The following ESRRB variants were observed in gnomAD, a reference collection of about 807,000 sequenced individuals.
The protein encoded by ESRRB is estrogen related receptor beta.
A neutral mutation model predicts 46.0 loss-of-function variants in ESRRB; 16 were observed. That is an observed-to-expected ratio of 0.35 (90% confidence interval 0.24 to 0.53). The LOEUF is 0.53. Ranked by LOEUF, ESRRB falls within the 20% of genes least tolerant of loss-of-function variation. The pLI is 0.93. For synonymous variants in ESRRB, 246 were observed against 259.6 expected (o/e 0.95, Z 0.50); for missense variants, 488 against 607.4 (o/e 0.80, Z 2.07).
At chr14:76,354,232 C>CA (rs1555390246) in intron 1 of ESRRB, among the ~76,000 whole-genome samples, 2 of 103,912 alleles carry the variant, frequency 1.9e-5, no homozygotes, top group Admixed American at 1.7e-4. Flanking sequence ...CCGCCCCCCC[C>CA]CCCACCCACA....
chr14:76,379,962 G>A (rs1884943055), intron 1 of ESRRB, among the ~76,000 whole-genome samples: 1 of 151,892 alleles, frequency 6.6e-6, no homozygotes, highest in Non-Finnish European at 1.5e-5. Flanking sequence ...ATTTAGTCTG[G>A]GAGAGGAGGG....
intron 1 of ESRRB, among the ~76,000 whole-genome samples, chr14:76,316,503 C>T (rs1180521143): frequency 6.6e-6 from 1 of 152,098 alleles, no homozygotes; most frequent in Non-Finnish European, 1.5e-5. Context: ...CTTTGAAATT[C>T]CCCAGTGCCT....
rs557833879 is a variant in ESRRB at position 76,438,526 on chromosome 14, T to C, written c.51-815T>C. On this transcript the variant is annotated intron_variant, in intron 1 of 6. Coordinates refer to ENST00000644823, the MANE Select transcript of ESRRB (RefSeq NM_001379180.1). ...TAAAAATACAAAAATTAGCTGTGCATGACGGCGGGTGCCTGTAATCCCAGC... is the reference window on the plus strand; with the variant it reads ...TAAAAATACAAAAATTAGCTGTGCACGACGGCGGGTGCCTGTAATCCCAGC... Among the ~76,000 whole-genome samples, 6 of 152,252 alleles carry C rather than the reference T, an allele frequency of 3.9e-5. No homozygotes were observed. The East Asian group carries it at 1.2e-3, about 30-fold the overall frequency.
rs541201615 is a variant in ESRRB at position 76,378,244 on chromosome 14, A to T, written c.50+1793A>T. Among the ~76,000 whole-genome samples the T allele has an allele frequency of 3.3e-5, 5 of 152,356 alleles. No homozygotes were observed. In the South Asian group the frequency reaches 1.0e-3, roughly 32 times the overall value. On this transcript the variant is annotated intron_variant, in intron 1 of 6. Transcript: ENST00000644823. ...TCAATAAATATGAAAATTCGTATGA[A>T]GGAAGTACATTCTTTGATTATGCTT...
chr14:76,311,974 GAAAAAAA>G (rs11384140), intron 1 of ESRRB, among the ~76,000 whole-genome samples: 1 of 81,628 alleles, frequency 1.2e-5, no homozygotes, highest in Non-Finnish European at 2.5e-5. Context: ...CCTACATTTT[GAAAAAAA>G]AAAAAAAAAA....
chr14:76,362,435 T>C (rs1226112796), intron 1 of ESRRB, among the ~76,000 whole-genome samples: 1 of 152,236 alleles, frequency 6.6e-6, no homozygotes, highest in Non-Finnish European at 1.5e-5. Context: ...GTTTGAGTTC[T>C]ACCAAGCCAC....
chr14:76,321,131 T>C (rs375503321), intron 1 of ESRRB, among the ~76,000 whole-genome samples: 84 of 152,342 alleles, frequency 5.5e-4, no homozygotes, highest in African/African-American at 1.9e-3. Context: ...TTCTTACATA[T>C]TCTCCCGTAA....
chr14:76,459,363 A>G (rs922761092), intron 2 of ESRRB, among the ~76,000 whole-genome samples: 4 of 152,172 alleles, frequency 2.6e-5, no homozygotes, highest in African/African-American at 9.7e-5. Flanking sequence ...CACAGGGGAC[A>G]TTAATGGGTT....
intron 5 of ESRRB, among the ~76,000 whole-genome samples, chr14:76,487,004 G>A (rs550378699): frequency 6.6e-6 from 1 of 152,292 alleles, no homozygotes; most frequent in South Asian, 2.1e-4. Context: ...TATCAGATGG[G>A]ACAGATGGGT....
chr14:76,384,509 G>A (rs781009552), intron 1 of ESRRB, among the ~76,000 whole-genome samples: 11 of 152,138 alleles, frequency 7.2e-5, no homozygotes, highest in African/African-American at 1.9e-4. Flanking sequence ...CTCTGAATAC[G>A]AACAGGCAGG....
At chr14:76,476,417 A>T (rs1889587327) in intron 3 of ESRRB, among the ~76,000 whole-genome samples, 1 of 152,238 alleles carries the variant, frequency 6.6e-6, no homozygotes, top group Non-Finnish European at 1.5e-5. Flanking sequence ...ATTGTAAGTT[A>T]ATTAGTATTT....
chr14:76,352,493 C>G (rs559978299), intron 1 of ESRRB, among the ~76,000 whole-genome samples: 6 of 152,278 alleles, frequency 3.9e-5, no homozygotes, highest in Admixed American at 3.9e-4. Context: ...CTCAAGCGGA[C>G]CTGGGAGACT....
At chr14:76,432,940 G>C (rs764735075) in intron 1 of ESRRB, among the ~76,000 whole-genome samples, 6 of 152,056 alleles carry the variant, frequency 3.9e-5, no homozygotes, top group African/African-American at 7.2e-5. Flanking sequence ...CTCCCAAAGT[G>C]CTGAGATTAC....
At chr14:76,351,982 C>T (rs1378156141) in intron 1 of ESRRB, among the ~76,000 whole-genome samples, 1 of 100,242 alleles carries the variant, frequency 1.0e-5, no homozygotes, top group African/African-American at 4.3e-5. Flanking sequence ...GAGACCCAGT[C>T]TCTTAAAAAA....
At chr14:76,484,332 G>A (rs1200392459) in intron 5 of ESRRB, among the ~76,000 whole-genome samples, 1 of 151,968 alleles carries the variant, frequency 6.6e-6, no homozygotes, top group Non-Finnish European at 1.5e-5. Context: ...CAGGGATCTG[G>A]GCTGGTACGC....
At chr14:76,428,387 T>A (rs1173270659) in intron 1 of ESRRB, among the ~76,000 whole-genome samples, 1 of 152,062 alleles carries the variant, frequency 6.6e-6, no homozygotes, top group Non-Finnish European at 1.5e-5. Context: ...TTTACAGATG[T>A]CAGAACTCCA....
In ESRRB at chr14:76,361,298, G is replaced by C. The variant is rs545710279; in HGVS notation, c.2+50382G>C. On this transcript the variant is annotated intron_variant, in intron 1 of 6. Transcript: ENST00000512784. ...GTGGCTGCCTTGAGATGTCCCTTATGATGGGAGGCTGGGATGTAAAGGGGA... is the reference window on the plus strand; with the variant it reads ...GTGGCTGCCTTGAGATGTCCCTTATCATGGGAGGCTGGGATGTAAAGGGGA... Among the ~76,000 whole-genome samples, 5 of 152,274 alleles carry C rather than the reference G, an allele frequency of 3.3e-5. No individual in the cohort carries two copies. The South Asian group carries it at 6.2e-4, about 19-fold the overall frequency.
At chr14:76,311,046 CTGTT>C in intron 1 of ESRRB, 1 of 390,358 alleles carries the variant, frequency 2.6e-6, no homozygotes, top group Admixed American at 2.9e-5. Context: ...CTCCCCATGC[CTGTT>C]CTTTCATCCT....
Position 76,439,444 on chromosome 14 carries a change from A to G in ESRRB, c.154A>G (p.Ser52Gly), listed in dbSNP as rs1412505069. Residue 52 changes from serine (S) to glycine (G), a missense_variant, in exon 2 of 7, where the codon AGC becomes GGC. Coordinates refer to ENST00000644823, the MANE Select transcript of ESRRB (RefSeq NM_001379180.1). The stretch of plus-strand genomic sequence containing the variant: ...CCCGTCCTCGGGCATCGATGCCCTC[A>G]GCCACCACAGCCCCAGTGGCTCGTC... ...SSPSSGIDALSHHSPSGSSDA... is the reference protein window; with the variant it reads ...SSPSSGIDALGHHSPSGSSDA... The G allele has an allele frequency of 6.2e-7, 1 of 1,613,514 alleles. No homozygotes were observed. The highest frequency in any genetic ancestry group is 1.1e-5 in the South Asian group (1 of 91,070).
Sources: gnomAD v4.1 joint callset for allele counts (sites outside exome capture counted in the v4.1 genomes callset) on GRCh38, gnomAD v4.1.1 for gene constraint, MANE v1.5 for transcripts, NCBI Gene and HGNC (gene_info 2026-07-23, HGNC 2026-07-21) for gene names.